The following BABAM2 variants were observed in gnomAD, a reference collection of about 807,000 sequenced individuals.
BABAM2 encodes the protein BRISC and BRCA1 A complex member 2.
BABAM2 carries 31 observed loss-of-function variants against 54.7 expected under a neutral mutation model. The observed-to-expected ratio is 0.57, with a 90% CI of 0.43 to 0.77. The LOEUF is 0.77. Among genes scored for constraint, BABAM2 ranks in the 30% least tolerant of loss-of-function variants. The pLI, the probability that BABAM2 is intolerant of heterozygous loss-of-function variation, is 0.00. For synonymous variants in BABAM2, 167 were observed against 162.9 expected (o/e 1.03, Z -0.19); for missense variants, 364 against 455.8 (o/e 0.80, Z 1.83).
At chr2:28,213,514 G>A (rs1679659097) in intron 7 of BABAM2, among the ~76,000 whole-genome samples, 1 of 151,942 alleles carries the variant, frequency 6.6e-6, no homozygotes, top group Non-Finnish European at 1.5e-5. Flanking sequence ...ATTGAGAAAA[G>A]GGGGAGTATA....
intron 7 of BABAM2, among the ~76,000 whole-genome samples, chr2:28,179,643 G>C (rs1675403169): frequency 1.3e-5 from 2 of 152,248 alleles, no homozygotes; most frequent in Admixed American, 1.3e-4. Flanking sequence ...TCAGTCAAGA[G>C]AAAGAAATAA....
At chr2:28,297,679 G>A (rs1366810210) in intron 10 of BABAM2, among the ~76,000 whole-genome samples, 1 of 152,150 alleles carries the variant, frequency 6.6e-6, no homozygotes, top group African/African-American at 2.4e-5. Context: ...CACTGATTTA[G>A]GAGATATAAA....
chr2:28,338,268 C>T (rs1220452737), intron 11 of BABAM2, among the ~76,000 whole-genome samples, 182 bp from the exon 12 acceptor site: 2 of 152,244 alleles, frequency 1.3e-5, no homozygotes, highest in African/African-American at 4.8e-5. Context: ...CAGTAGTGAA[C>T]TGCATGCATC....
intron 9 of BABAM2, among the ~76,000 whole-genome samples, chr2:28,244,258 T>C (rs1162844633): frequency 1.3e-5 from 2 of 152,144 alleles, no homozygotes; most frequent in Non-Finnish European, 2.9e-5. Flanking sequence ...AGAAGAAAAG[T>C]AATATATAAT....
At chr2:28,267,508 A>G (rs1300353358) in intron 10 of BABAM2, among the ~76,000 whole-genome samples, 1 of 152,118 alleles carries the variant, frequency 6.6e-6, no homozygotes, top group Non-Finnish European at 1.5e-5. Flanking sequence ...AGGAAAGTCT[A>G]ACACCTATAA....
chr2:28,016,160 A>G (rs1674794681), intron 4 of BABAM2: 1 of 1,260,364 alleles, frequency 7.9e-7, no homozygotes, highest in Middle Eastern at 1.9e-4. Context: ...TCAGAGCTTG[A>G]TGAAGAAGAA....
chr2:28,083,426 C>A (rs74941130), intron 6 of BABAM2, among the ~76,000 whole-genome samples: 2 of 152,128 alleles, frequency 1.3e-5, no homozygotes, highest in African/African-American at 4.8e-5. Context: ...ATCTGAGAAC[C>A]GTACTGATTT....
chr2:27,953,195 C>T (rs988675531), intron 3 of BABAM2, among the ~76,000 whole-genome samples: 7 of 151,470 alleles, frequency 4.6e-5, no homozygotes, highest in African/African-American at 1.7e-4. Context: ...TTTTAATTTT[C>T]TTTGAGACAG....
chr2:27,923,909 C>T (rs1332485825), intron 2 of BABAM2, among the ~76,000 whole-genome samples: 1 of 152,218 alleles, frequency 6.6e-6, no homozygotes, highest in East Asian at 1.9e-4. Flanking sequence ...GAGTTTGAAG[C>T]TTCAGTGAGC....
At chr2:28,055,116 C>T (rs1678295479) in intron 6 of BABAM2, among the ~76,000 whole-genome samples, 1 of 152,180 alleles carries the variant, frequency 6.6e-6, no homozygotes, top group Non-Finnish European at 1.5e-5. Context: ...TTTGCAACAA[C>T]AGCGATGGAG....
intron 6 of BABAM2, among the ~76,000 whole-genome samples, chr2:28,094,181 A>G (rs1666399185): frequency 6.6e-6 from 1 of 152,204 alleles, no homozygotes; most frequent in South Asian, 2.1e-4. Flanking sequence ...ACAAATATCT[A>G]TATGTAGAGA....
chr2:28,247,138 T>C (rs1682984561), intron 10 of BABAM2, among the ~76,000 whole-genome samples: 1 of 152,204 alleles, frequency 6.6e-6, no homozygotes, highest in African/African-American at 2.4e-5. Flanking sequence ...AGTTGTTTAA[T>C]TGACTTTTTC....
At chr2:28,175,272 C>T (rs984751789) in intron 7 of BABAM2, among the ~76,000 whole-genome samples, 1 of 152,192 alleles carries the variant, frequency 6.6e-6, no homozygotes, top group East Asian at 1.9e-4. Context: ...CTTGCACACA[C>T]CCTGAAGACA....
intron 6 of BABAM2, among the ~76,000 whole-genome samples, chr2:28,111,942 C>T (rs1363238837): frequency 6.6e-6 from 1 of 152,104 alleles, no homozygotes; most frequent in East Asian, 1.9e-4. Context: ...TTCTGAAAAC[C>T]GGAAGAGGTA....
At chr2:27,994,492 C>T (rs189234615) in intron 4 of BABAM2, among the ~76,000 whole-genome samples, 6 of 152,324 alleles carry the variant, frequency 3.9e-5, no homozygotes, top group Non-Finnish European at 8.8e-5. Flanking sequence ...CACCTTGCCT[C>T]AGAGTAAACA....
intron 11 of BABAM2, among the ~76,000 whole-genome samples, chr2:28,298,917 C>T (rs1011617041): frequency 2.6e-5 from 4 of 151,950 alleles, no homozygotes; most frequent in Non-Finnish European, 5.9e-5. Flanking sequence ...AATAGGAATT[C>T]GAGTTGTGGG....
intron 7 of BABAM2, among the ~76,000 whole-genome samples, chr2:28,231,656 C>T (rs148432847): frequency 1.7e-4 from 25 of 151,416 alleles, no homozygotes; most frequent in African/African-American, 4.7e-4. Context: ...TCTCTGACAA[C>T]GCCTTGTCAT....
chr2:28,265,874 C>T (rs974361151), intron 10 of BABAM2, among the ~76,000 whole-genome samples: 12 of 152,176 alleles, frequency 7.9e-5, no homozygotes, highest in African/African-American at 2.7e-4. Context: ...GTCCCATCCC[C>T]ACCTGTTCCC....
At chr2:27,943,330 G>T (rs1450986457) in intron 3 of BABAM2, among the ~76,000 whole-genome samples, 2 of 152,134 alleles carry the variant, frequency 1.3e-5, no homozygotes, top group Non-Finnish European at 2.9e-5. Flanking sequence ...TGACATTCCA[G>T]CCTCCCAGTT....
Sources: gnomAD v4.1 joint callset for allele counts (sites outside exome capture counted in the v4.1 genomes callset) on GRCh38, gnomAD v4.1.1 for gene constraint, MANE v1.5 for transcripts, NCBI Gene and HGNC (gene_info 2026-07-23, HGNC 2026-07-21) for gene names.